The following SPAG6 variants were observed in gnomAD, a reference collection of about 807,000 sequenced individuals.
SPAG6 encodes sperm associated antigen 6.
Under a neutral mutation model 58.5 loss-of-function variants are expected in SPAG6, and 49 were observed. That is an observed-to-expected ratio of 0.84 (90% CI 0.67 to 1.06). The LOEUF (loss-of-function observed/expected upper bound fraction) is 1.06, where lower values mean the gene tolerates loss of function less well. Ranked by LOEUF, SPAG6 falls within the 50% of genes least tolerant of loss-of-function variation. The pLI, the probability that SPAG6 is intolerant of heterozygous loss-of-function variation, is 0.00. For missense variants in SPAG6, 560 were observed against 611.3 expected, an observed-to-expected ratio of 0.92 and a Z score of 0.89; for synonymous variants, 233 against 225.6, an observed-to-expected ratio of 1.03 and a Z score of -0.29.
intron 8 of SPAG6, among the ~76,000 whole-genome samples, chr10:22,392,158 T>C (rs1256642415): frequency 1.3e-5 from 2 of 152,192 alleles, no homozygotes; most frequent in Non-Finnish European, 2.9e-5. Flanking sequence ...GTTAATGCAG[T>C]CTACATTCCT....
chr10:22,406,685 G>T (rs1834565343), intron 9 of SPAG6, among the ~76,000 whole-genome samples: 1 of 152,016 alleles, frequency 6.6e-6, no homozygotes, highest in Non-Finnish European at 1.5e-5. Flanking sequence ...TCAATTCCTG[G>T]GTTTCCTTGT....
In SPAG6 at chr10:22,345,597, G is replaced by A. The variant is rs1276463785; in HGVS notation, c.-15G>A. On this transcript the variant is annotated 5_prime_UTR_variant, in exon 1 of 11. Transcript: ENST00000376624. The surrounding 1 kb of genome is among the most constrained non-coding windows in gnomAD (Gnocchi z 6.3). Reference sequence around the variant, plus strand: ...CCCGCAGAGCTCGAGGAGGGCAGACGGCGGCGGGGGCGCCATGAGTCAGAG... The same window carrying A: ...CCCGCAGAGCTCGAGGAGGGCAGACAGCGGCGGGGGCGCCATGAGTCAGAG... 1 of 1,528,382 alleles carries A rather than the reference G, an allele frequency of 6.5e-7. No individual in the cohort carries two copies. The allele number at this position is 1,528,382 out of a possible 1,614,324, so 94.7% of individuals were successfully genotyped here.
At chr10:22,364,771 A>G in intron 2 of SPAG6, 82 bp from the exon 3 acceptor site, 1 of 954,052 alleles carries the variant, frequency 1.0e-6, no homozygotes, top group South Asian at 1.9e-5. Flanking sequence ...CTTTAATTTT[A>G]CTGTCTGCAT....
At chr10:22,368,199 G>T (rs1451287790) in intron 3 of SPAG6, among the ~76,000 whole-genome samples, 1 of 152,168 alleles carries the variant, frequency 6.6e-6, no homozygotes, top group Non-Finnish European at 1.5e-5. Context: ...GTTATTTTAT[G>T]AATTTGTGGA....
intron 7 of SPAG6, among the ~76,000 whole-genome samples, chr10:22,389,613 T>C (rs1834141016): frequency 6.6e-6 from 1 of 152,188 alleles, no homozygotes; most frequent in Admixed American, 6.5e-5. Context: ...TCTACAAACA[T>C]GTAAAGCTTA....
At chr10:22,368,850 A>C (rs79214513) in intron 4 of SPAG6, among the ~76,000 whole-genome samples, 172 bp downstream of exon 4, 1 of 129,434 alleles carries the variant, frequency 7.7e-6, no homozygotes, top group African/African-American at 2.5e-5. Context: ...ATATATTCAC[A>C]AAAAAAAACC....
intron 2 of SPAG6, chr10:22,361,187 A>C (rs1175640556): frequency 4.6e-6 from 1 of 217,464 alleles, no homozygotes; most frequent in Non-Finnish European, 8.9e-6. Context: ...TATTAATATA[A>C]ATTTGTAGAT....
At chr10:22,401,426 C>A (rs1325431400) in intron 9 of SPAG6, 149 bp downstream of exon 9, 4 of 595,018 alleles carry the variant, frequency 6.7e-6, no homozygotes, top group South Asian at 2.1e-5. Context: ...AGAGAAGTTA[C>A]CTTAATAAAA....
chr10:22,362,330 T>C (rs1295696917), intron 2 of SPAG6, among the ~76,000 whole-genome samples: 1 of 151,428 alleles, frequency 6.6e-6, no homozygotes, highest in African/African-American at 2.4e-5. Flanking sequence ...TAAGCATACT[T>C]GTTTTGCCTC....
chr10:22,355,950 A>G (rs558020080), intron 2 of SPAG6, among the ~76,000 whole-genome samples: 1 of 152,362 alleles, frequency 6.6e-6, no homozygotes, highest in Non-Finnish European at 1.5e-5. Flanking sequence ...AAATCATCAT[A>G]TAAATATCAT....
Position 22,372,686 on chromosome 10 carries a change from G to A in SPAG6, c.472+4008G>A, listed in dbSNP as rs1336400136. Reference sequence around the variant, plus strand: ...GCAGCAGCCTGGCTGCAAGTGTGCGGAAGTGTTTTGTGTGAATAGTCTTCC... The same window carrying A: ...GCAGCAGCCTGGCTGCAAGTGTGCGAAAGTGTTTTGTGTGAATAGTCTTCC... On this transcript the variant is annotated intron_variant, in intron 4 of 10. Coordinates refer to ENST00000376624, the MANE Select transcript of SPAG6 (RefSeq NM_012443.4). 2.0e-5 allele frequency among the ~76,000 whole-genome samples: 3 copies of A among 152,118 alleles called. No homozygotes were observed. The South Asian group carries it at 6.2e-4, about 31-fold the overall frequency.
chr10:22,346,479 T>TTCTTCTTCTTCTTCC (rs1836546928), intron 2 of SPAG6, among the ~76,000 whole-genome samples: 2 of 141,502 alleles, frequency 1.4e-5, no homozygotes, highest in Non-Finnish European at 3.0e-5. Flanking sequence ...CTTCTTCTTC[T>TTCTTCTTCTTCTTCC]TCTTCTTCTT....
chr10:22,410,112 T>C (rs890045795), intron 9 of SPAG6, among the ~76,000 whole-genome samples: 14 of 152,214 alleles, frequency 9.2e-5, no homozygotes, highest in African/African-American at 2.9e-4. Context: ...TTTTCATTGG[T>C]TGCTTTAAGA....
chr10:22,381,848 G>A (rs902804631), intron 4 of SPAG6, among the ~76,000 whole-genome samples: 17 of 151,958 alleles, frequency 1.1e-4, no homozygotes, highest in African/African-American at 2.2e-4. Context: ...TTTAATTTAC[G>A]TTCTCTTTTT....
At chr10:22,415,304 A>T (rs1834842255) in intron 10 of SPAG6, among the ~76,000 whole-genome samples, 1 of 151,386 alleles carries the variant, frequency 6.6e-6, no homozygotes, top group Admixed American at 6.6e-5. Context: ...ATTTAAATTA[A>T]AAGGTTAAAA....
In SPAG6 at chr10:22,345,538, G is replaced by T. The variant is rs921784495; in HGVS notation, c.-74G>T. 1 of 1,299,168 alleles carries T rather than the reference G, an allele frequency of 7.7e-7. No individual in the cohort carries two copies. Among genetic ancestry groups the T allele is most frequent in the South Asian group, 1.4e-5 (1 of 73,178 alleles). The allele number at this position is 1,299,168 out of a possible 1,614,324, so 80.5% of individuals were successfully genotyped here. A position where few individuals can be genotyped will look rare whatever the true frequency, so the allele number is the denominator to read the frequency against. On this transcript the variant is annotated 5_prime_UTR_variant, in exon 1 of 11. Transcript: ENST00000376624. The surrounding 1 kb of genome is among the most constrained non-coding windows in gnomAD (Gnocchi z 6.3). ...CGGAGGCCGAGTCGTCGCCACGATCGCCCCCTTGGTGGACTCGCAGGCCGA... is the reference window on the plus strand; with the variant it reads ...CGGAGGCCGAGTCGTCGCCACGATCTCCCCCTTGGTGGACTCGCAGGCCGA...
chr10:22,388,276 C>T (rs1408803925), intron 6 of SPAG6, among the ~76,000 whole-genome samples: 1 of 151,922 alleles, frequency 6.6e-6, no homozygotes, highest in Non-Finnish European at 1.5e-5. Flanking sequence ...TGTCTCCATA[C>T]TTTGCCATGT....
chr10:22,354,897 T>A, intron 2 of SPAG6, among the ~76,000 whole-genome samples: 1 of 151,608 alleles, frequency 6.6e-6, no homozygotes, highest in East Asian at 1.9e-4. Flanking sequence ...TAATCCCAGC[T>A]ACTCGGGAGG....
Position 22,391,826 on chromosome 10 carries a change from C to T in SPAG6, c.1103C>T (p.Pro368Leu). 1 of 1,613,574 alleles carries T rather than the reference C, an allele frequency of 6.2e-7. No individual in the cohort carries two copies. Residue 368 changes from proline (P) to leucine (L), a missense_variant, in exon 8 of 11, where the codon CCT (proline) becomes CTT (leucine). Transcript: ENST00000376624. Reference protein sequence around the residue: ...WALGQIGRHTPEHARAVAVTN... With the variant: ...WALGQIGRHTLEHARAVAVTN... Reference sequence around the variant, plus strand: ...TTAGGACAGATTGGAAGACACACTCCTGAACACGCACGGGCTGTTGCAGTC... The same window carrying T: ...TTAGGACAGATTGGAAGACACACTCTTGAACACGCACGGGCTGTTGCAGTC...
Sources: allele counts gnomAD v4.1 joint callset (sites outside exome capture counted in the v4.1 genomes callset), GRCh38; gene constraint gnomAD v4.1.1; non-coding constraint Gnocchi (gnomAD v3.1); transcripts MANE v1.5; gene names NCBI Gene and HGNC (gene_info 2026-07-23, HGNC 2026-07-21).